Variants in ANG observed in about 807,000 individuals in gnomAD.
ANG encodes the protein Homo sapiens epididymis luminal protein 168.
For missense variants in ANG, 178 were observed against 187.4 expected, an observed-to-expected ratio of 0.95 and a Z score of 0.29; for synonymous variants, 74 against 73.8, an observed-to-expected ratio of 1.00 and a Z score of -0.02.
At chr14:20,687,360 A>C (rs1284327639), upstream of ANG, among the ~76,000 whole-genome samples, 2 of 152,226 alleles carry the variant, frequency 1.3e-5, no homozygotes. Context: ...AAGGGACCTA[A>C]CTATATTCAG....
upstream of ANG, among the ~76,000 whole-genome samples, chr14:20,686,211 C>T (rs186381273): frequency 3.3e-5 from 5 of 152,168 alleles, no homozygotes; most frequent in East Asian, 9.7e-4. Flanking sequence ...TCTATGACTC[C>T]ATGGAGTGGT....
Position 20,694,073 on chromosome 14 carries a change from G to T in ANG, c.*65G>T, listed in dbSNP as rs968963632. The T allele has an allele frequency of 9.5e-6, 15 of 1,580,544 alleles. No homozygotes were observed. The highest frequency in any genetic ancestry group is 1.3e-5 in the Non-Finnish European group (15 of 1,149,922). On this transcript the variant is annotated 3_prime_UTR_variant, in exon 2 of 2. Coordinates refer to ENST00000397990, the MANE Select transcript of ANG (RefSeq NM_001097577.3). Reference sequence around the variant, plus strand: ...GCCTTCCATTTCCCCTCTGCACCCAGAACAGTGGTGGCAACATTCATTGCC... The same window carrying T: ...GCCTTCCATTTCCCCTCTGCACCCATAACAGTGGTGGCAACATTCATTGCC...
At position 20,694,118 on chromosome 14, in the gene ANG, T is replaced by C. The variant is rs990796061; in HGVS notation, c.*110T>C. 1.0e-5 allele frequency: 12 copies of C among 1,184,142 alleles called. No homozygotes were observed. The highest frequency in any genetic ancestry group is 1.4e-5 in the Non-Finnish European group (11 of 795,812). The allele number at this position is 1,184,142 out of a possible 1,614,324, so 73.4% of individuals were successfully genotyped here. A position where few individuals can be genotyped will look rare whatever the true frequency, so the allele number is the denominator to read the frequency against. On this transcript the variant is annotated 3_prime_UTR_variant, in exon 2 of 2. Transcript: ENST00000397990. The stretch of plus-strand genomic sequence containing the variant: ...ATTGCCAAGGGCCCAAAGAAAGAGC[T>C]ACCTGGACCTTTTGTTTTCTGTTTG...
Position 20,694,043 on chromosome 14 carries a change from T to C in ANG, c.*35T>C. ...CCCTGGTCAAGTGCTGGCTCTGCTG[T>C]CCTTGCCTTCCATTTCCCCTCTGCA... is the stretch of plus-strand genomic sequence containing the variant. On this transcript the variant is annotated 3_prime_UTR_variant, in exon 2 of 2. Transcript: ENST00000397990. 6.2e-7 allele frequency: 1 copy of C among 1,611,742 alleles called. No homozygotes were observed. The highest frequency in any genetic ancestry group is 1.1e-5 in the South Asian group (1 of 90,990).
chr14:20,693,852 C>A lies in ANG; in HGVS notation c.288C>A (p.Ser96Arg), dbSNP rs1329361436. Residue 96 changes from serine (S) to arginine (R), a missense_variant, in exon 2 of 2, where the codon AGC becomes AGA. Coordinates refer to ENST00000397990, the MANE Select transcript of ANG (RefSeq NM_001097577.3). ...CTCACAGAGAAAACCTAAGAATAAG[C>A]AAGTCTTCTTTCCAGGTCACCACTT... is the stretch of plus-strand genomic sequence containing the variant. ...GNPHRENLRI[S>R]KSSFQVTTCK... The A allele has an allele frequency of 6.2e-7, 1 of 1,614,196 alleles. No homozygotes were observed. The highest frequency in any genetic ancestry group is 1.7e-5 in the Admixed American group (1 of 60,026).
At chr14:20,693,098 T>C (rs12887373) in intron 1 of ANG, among the ~76,000 whole-genome samples, 27,535 of 151,418 alleles carry the variant, frequency 0.18, 3,414 homozygotes, top group African/African-American at 0.35. Flanking sequence ...CCGCCCGCCT[T>C]GGCCTCCCAA....
Position 20,693,696 on chromosome 14 carries a change from C to A in ANG, c.132C>A (p.Gly44=), listed in dbSNP as rs147701713. Residue 44 remains glycine (G), a synonymous_variant, in exon 2 of 2, where the codon GGC becomes GGA. Coordinates refer to ENST00000397990, the MANE Select transcript of ANG (RefSeq NM_001097577.3). ...AGCACTATGATGCCAAACCACAGGG[C>A]CGGGATGACAGATACTGTGAAAGCA... The part of the protein sequence containing the change: ...LTQHYDAKPQ[G]RDDRYCESIM... The A allele has an allele frequency of 6.2e-7, 1 of 1,614,140 alleles. No homozygotes were observed. The highest frequency in any genetic ancestry group is 2.2e-5 in the East Asian group (1 of 44,872).
At chr14:20,688,520 A>G (rs1886534218), upstream of ANG, 2 of 171,690 alleles carry the variant, frequency 1.2e-5, no homozygotes, top group Non-Finnish European at 2.3e-5. Flanking sequence ...CAGTCCTGCC[A>G]TGAACAAGAG....
At chr14:20,693,031 T>C (rs1302006028) in intron 1 of ANG, among the ~76,000 whole-genome samples, 1 of 151,592 alleles carries the variant, frequency 6.6e-6, no homozygotes. Context: ...GTATTTTTAG[T>C]AGAGACGGGG....
upstream of ANG, among the ~76,000 whole-genome samples, chr14:20,687,599 T>C (rs1315581073): frequency 6.6e-6 from 1 of 152,132 alleles, no homozygotes; most frequent in Non-Finnish European, 1.5e-5. Flanking sequence ...TTATGAAGGG[T>C]TCAAAGTCTG....
In ANG at chr14:20,693,739, C is replaced by T; in HGVS notation, c.175C>T (p.Leu59=). Residue 59 remains leucine (L), a synonymous_variant, in exon 2 of 2, where the codon CTG becomes TTG. Coordinates refer to ENST00000397990, the MANE Select transcript of ANG (RefSeq NM_001097577.3). ...TGAAAGCATCATGAGGAGACGGGGC[C>T]TGACCTCACCCTGCAAAGACATCAA... ...YCESIMRRRG[L]TSPCKDINTF... 1.2e-6 allele frequency: 2 copies of T among 1,614,232 alleles called. No individual in the cohort carries two copies. Among genetic ancestry groups the T allele is most frequent in the South Asian group, 2.2e-5 (2 of 91,086 alleles).
At chr14:20,689,181 CT>C (rs1886568625) in intron 1 of ANG, among the ~76,000 whole-genome samples, 1 of 152,174 alleles carries the variant, frequency 6.6e-6, no homozygotes, top group African/African-American at 2.4e-5. Flanking sequence ...TCGTCCACCC[CT>C]GTTACAGGCA....
upstream of ANG, among the ~76,000 whole-genome samples, chr14:20,686,754 A>G (rs2138999859): frequency 6.6e-6 from 1 of 152,230 alleles, no homozygotes; most frequent in South Asian, 2.1e-4. Context: ...TTCCTTCTTT[A>G]CCTGTTACTT....
chr14:20,690,221 C>CAAAAAAAAAAA (rs36091065), intron 1 of ANG, among the ~76,000 whole-genome samples: 28 of 67,978 alleles, frequency 4.1e-4, no homozygotes, highest in African/African-American at 5.8e-4. Flanking sequence ...GACTCCGTCT[C>CAAAAAAAAAAA]AAAAAAAAAA....
Position 20,693,686 on chromosome 14 carries a change from A to T in ANG, c.122A>T (p.Lys41Ile), listed in dbSNP as rs121909536. 1.8e-3 allele frequency: 2,878 copies of T among 1,614,170 alleles called. 9 individuals are homozygous for T. The highest frequency in any genetic ancestry group is 2.9e-3 in the South Asian group (264 of 91,078). Residue 41 changes from lysine to isoleucine, a missense_variant, in exon 2 of 2, where the codon AAA (lysine) becomes ATA (isoleucine). Coordinates refer to ENST00000397990, the MANE Select transcript of ANG (RefSeq NM_001097577.3). The part of the protein sequence containing the change: ...THFLTQHYDA[K>I]PQGRDDRYCE... ...TTCCTGACCCAGCACTATGATGCCA[A>T]ACCACAGGGCCGGGATGACAGATAC... is the stretch of plus-strand genomic sequence containing the variant.
chr14:20,689,180 CCT>C (rs894129959), intron 1 of ANG, among the ~76,000 whole-genome samples: 7 of 152,188 alleles, frequency 4.6e-5, no homozygotes, highest in South Asian at 2.1e-4. Flanking sequence ...GTCGTCCACC[CCT>C]GTTACAGGCA....
At chr14:20,688,108 T>C (rs1335080812), upstream of ANG, among the ~76,000 whole-genome samples, 1 of 152,130 alleles carries the variant, frequency 6.6e-6, no homozygotes, top group African/African-American at 2.4e-5. Flanking sequence ...GATCAGAAGA[T>C]TGAATGTTCA....
In ANG at chr14:20,693,471, G is replaced by A. The variant is rs115598918; in HGVS notation, c.-18-76G>A. 6.4e-4 allele frequency: 1,003 copies of A among 1,579,056 alleles called. 7 individuals are homozygous for A. In the African/African-American group the frequency reaches 0.012, roughly 18 times the overall value. On this transcript the variant is annotated intron_variant, in intron 1 of 1. Coordinates refer to ENST00000397990, the MANE Select transcript of ANG (RefSeq NM_001097577.3). The stretch of plus-strand genomic sequence containing the variant: ...CTGATTCATGATGCCGTGTCAGAGA[G>A]CAAAGCTCCTGTCCTTTTGGCCTAA...
At chr14:20,691,656 T>C (rs1230610284) in intron 1 of ANG, among the ~76,000 whole-genome samples, 1 of 152,242 alleles carries the variant, frequency 6.6e-6, no homozygotes, top group Admixed American at 6.5e-5. Context: ...TATGGACAAA[T>C]GTCGGTGCGG....
Sources: allele counts gnomAD v4.1 joint callset (sites outside exome capture counted in the v4.1 genomes callset), GRCh38; gene constraint gnomAD v4.1.1; transcripts MANE v1.5; gene names NCBI Gene and HGNC (gene_info 2026-07-23, HGNC 2026-07-21).